ADAMTS19: variants seen among roughly 807,000 people sequenced by gnomAD.
The protein encoded by ADAMTS19 is ADAM metallopeptidase with thrombospondin type 1 motif 19.
Under a neutral mutation model 153.3 loss-of-function variants are expected in ADAMTS19, and 93 were observed. That is an observed-to-expected ratio of 0.61 (90% CI 0.51 to 0.72). The LOEUF (loss-of-function observed/expected upper bound fraction) is 0.72. Among genes scored for constraint, ADAMTS19 ranks in the 30% least tolerant of loss-of-function variants. The pLI is 0.00. For missense variants in ADAMTS19, 1,482 were observed against 1,552.1 expected (o/e 0.95, Z 0.76); for synonymous variants, 600 against 556.6 (o/e 1.08, Z -1.10).
intron 2 of ADAMTS19, among the ~76,000 whole-genome samples, chr5:129,486,952 G>GT (rs1373496633): frequency 6.6e-6 from 1 of 152,112 alleles, no homozygotes; most frequent in African/African-American, 2.4e-5. Flanking sequence ...ACCACTGAGT[G>GT]TGCATGCACA....
intron 8 of ADAMTS19, among the ~76,000 whole-genome samples, chr5:129,606,997 A>C (rs1311367363): frequency 6.6e-6 from 1 of 152,140 alleles, no homozygotes; most frequent in African/African-American, 2.4e-5. Context: ...AGCTCACAGC[A>C]ACCTCCATCT....
At chr5:129,618,514 T>C (rs922327645) in intron 8 of ADAMTS19, among the ~76,000 whole-genome samples, 10 of 151,962 alleles carry the variant, frequency 6.6e-5, no homozygotes, top group Non-Finnish European at 1.0e-4. Flanking sequence ...ATCTTCTTCC[T>C]TCAAAAACAT....
At chr5:129,502,007 G>A (rs921396127) in intron 2 of ADAMTS19, among the ~76,000 whole-genome samples, 1 of 152,034 alleles carries the variant, frequency 6.6e-6, no homozygotes, top group Non-Finnish European at 1.5e-5. Flanking sequence ...ATCTTGAAGG[G>A]TGGCGGTGGA....
At chr5:129,597,715 G>A (rs531967061) in intron 8 of ADAMTS19, among the ~76,000 whole-genome samples, 1 of 151,980 alleles carries the variant, frequency 6.6e-6, no homozygotes, top group East Asian at 1.9e-4. Flanking sequence ...GACCATCCTG[G>A]CCAACATGAA....
At chr5:129,558,557 T>C (rs182025992) in intron 7 of ADAMTS19, among the ~76,000 whole-genome samples, 44 of 152,260 alleles carry the variant, frequency 2.9e-4, no homozygotes, top group Non-Finnish European at 5.3e-4. Flanking sequence ...CTAAGTATGA[T>C]ACAAATGTTC....
chr5:129,644,963 C>A (rs918094834), intron 11 of ADAMTS19, among the ~76,000 whole-genome samples: 1 of 152,126 alleles, frequency 6.6e-6, no homozygotes, highest in African/African-American at 2.4e-5. Context: ...TTTTCCCTGC[C>A]TTCCTCCTCT....
intron 8 of ADAMTS19, among the ~76,000 whole-genome samples, chr5:129,606,394 T>C (rs547710193): frequency 1.2e-4 from 18 of 152,348 alleles, no homozygotes; most frequent in African/African-American, 4.3e-4. Context: ...CTCCCCTTAG[T>C]TACTTCCATA....
rs551864243 is a variant in ADAMTS19 at position 129,589,384 on chromosome 5, C to T, written c.1373-7175C>T. ...TGTAATAGATAAATTTTCATTTATACATTTGTGTAGTTATTTATACATTAT... is the reference window on the plus strand; with the variant it reads ...TGTAATAGATAAATTTTCATTTATATATTTGTGTAGTTATTTATACATTAT... On this transcript the variant is annotated intron_variant, in intron 7 of 22. Coordinates refer to ENST00000274487, the MANE Select transcript of ADAMTS19 (RefSeq NM_133638.6). Among the ~76,000 whole-genome samples, 3 of 151,830 alleles carry T rather than the reference C, an allele frequency of 2.0e-5. No homozygotes were observed. The East Asian group carries it at 5.8e-4, about 29-fold the overall frequency.
At chr5:129,489,558 A>G (rs1044656422) in intron 2 of ADAMTS19, among the ~76,000 whole-genome samples, 2 of 152,208 alleles carry the variant, frequency 1.3e-5, no homozygotes, top group African/African-American at 2.4e-5. Context: ...AAAACTGCCA[A>G]TTAGGAAAAG....
rs1318869175 is a variant in ADAMTS19 at position 129,461,259 on chromosome 5, C to A, written c.249C>A (p.Ala83=). The part of the protein sequence containing the change: ...GGGGSARAQA[A]GSSREVRSVA... ...GCGGAAGCGCCCGGGCGCAGGCTGC[C>A]GGCAGCTCACGCGAGGTGCGCTCTG... The change falls in exon 2 of 23, where the codon GCC becomes GCA. Residue 83 remains alanine (A), a synonymous_variant. Coordinates refer to ENST00000274487, the MANE Select transcript of ADAMTS19 (RefSeq NM_133638.6). This position sits in a 1 kb window ranked among gnomAD's most constrained non-coding sequence, Gnocchi z 4.6. 12 of 1,263,690 alleles carry A rather than the reference C, an allele frequency of 9.5e-6. No homozygotes were observed. The highest frequency in any genetic ancestry group is 6.6e-5 in the South Asian group (2 of 30,124). The allele number at this position is 1,263,690 out of a possible 1,614,324, so 78.3% of individuals were successfully genotyped here.
chr5:129,654,804 GT>G, intron 14 of ADAMTS19, among the ~76,000 whole-genome samples: 1 of 152,036 alleles, frequency 6.6e-6, no homozygotes, highest in Non-Finnish European at 1.5e-5. Flanking sequence ...TGAGCCATGA[GT>G]CAAAAATCAA....
intron 15 of ADAMTS19, among the ~76,000 whole-genome samples, chr5:129,665,260 T>G (rs1255285047): frequency 4.6e-5 from 6 of 130,170 alleles, no homozygotes; most frequent in African/African-American, 1.1e-4. Flanking sequence ...GATTTTTTTG[T>G]TTGTTTTACA....
At chr5:129,509,962 T>C (rs1359887284) in intron 3 of ADAMTS19, among the ~76,000 whole-genome samples, 2 of 151,908 alleles carry the variant, frequency 1.3e-5, no homozygotes, top group Non-Finnish European at 2.9e-5. Context: ...AAGTAGGATC[T>C]GAAAGTCATA....
chr5:129,633,125 C>A (rs1752377152), intron 10 of ADAMTS19, among the ~76,000 whole-genome samples: 1 of 152,034 alleles, frequency 6.6e-6, no homozygotes, highest in African/African-American at 2.4e-5. Flanking sequence ...TATTTTCAAG[C>A]TTACTGAATT....
chr5:129,712,579 G>A (rs867451817), intron 21 of ADAMTS19, among the ~76,000 whole-genome samples: 1 of 151,938 alleles, frequency 6.6e-6, no homozygotes, highest in South Asian at 2.1e-4. Flanking sequence ...TAAAGAGAAT[G>A]GATTTTTTTT....
At chr5:129,676,877 T>C (rs1463988675) in intron 16 of ADAMTS19, among the ~76,000 whole-genome samples, 1 of 152,192 alleles carries the variant, frequency 6.6e-6, no homozygotes, top group Non-Finnish European at 1.5e-5. Flanking sequence ...AAAATACCAA[T>C]TGAATCTAAA....
intron 21 of ADAMTS19, among the ~76,000 whole-genome samples, chr5:129,709,838 A>G (rs1212706363): frequency 6.6e-6 from 1 of 152,190 alleles, no homozygotes; most frequent in Non-Finnish European, 1.5e-5. Context: ...ATATCCCTAA[A>G]GAAAACATTT....
At chr5:129,470,982 G>T (rs1320397530) in intron 2 of ADAMTS19, among the ~76,000 whole-genome samples, 1 of 151,024 alleles carries the variant, frequency 6.6e-6, no homozygotes, top group Non-Finnish European at 1.5e-5. Context: ...GACCACTTCT[G>T]CAGTGAGGCT....
chr5:129,701,878 C>A (rs1220952313), intron 20 of ADAMTS19, among the ~76,000 whole-genome samples: 1 of 152,122 alleles, frequency 6.6e-6, no homozygotes, highest in East Asian at 1.9e-4. Flanking sequence ...CTTGAGTTGG[C>A]ACACATTAAA....
Sources: allele counts gnomAD v4.1 joint callset (sites outside exome capture counted in the v4.1 genomes callset), GRCh38; gene constraint gnomAD v4.1.1; non-coding constraint Gnocchi (gnomAD v3.1); transcripts MANE v1.5; gene names NCBI Gene and HGNC (gene_info 2026-07-23, HGNC 2026-07-21).